CEP350: variants seen among roughly 807,000 people sequenced by gnomAD.
CEP350 encodes the protein centrosomal protein 350.
A neutral mutation model predicts 331.8 loss-of-function variants in CEP350; 126 were observed. That is an observed-to-expected ratio of 0.38 (90% confidence interval 0.33 to 0.44). The LOEUF is 0.44. Ranked by LOEUF, CEP350 falls within the 20% of genes least tolerant of loss-of-function variation. The pLI, the probability that CEP350 is intolerant of heterozygous loss-of-function variation, is 1.00. For missense variants in CEP350, 3,406 were observed against 3,634.6 expected (o/e 0.94, Z 1.62); for synonymous variants, 1,200 against 1,259.5 (o/e 0.95, Z 1.00).
chr1:180,096,287 T>G (rs1649417081), intron 36 of CEP350, 103 bp downstream of exon 36: 1 of 1,320,526 alleles, frequency 7.6e-7, no homozygotes. Flanking sequence ...GATTAACCTT[T>G]GTGTCTTCAG....
Position 180,093,738 on chromosome 1 carries a change from A to G in CEP350, c.7633A>G (p.Ile2545Val), listed in dbSNP as rs767949762. ...AAATAACAATGGAACATATGATGGT[A>G]TTGCATATTTTGAGTGCAAAGAAAA... is the stretch of plus-strand genomic sequence containing the variant. ...EGNNNGTYDG[I>V]AYFECKEKHG... is the part of the protein sequence containing the mutation. Residue 2545 changes from isoleucine (I) to valine (V), a missense_variant, in exon 34 of 38, where the codon ATT becomes GTT. Around this residue, in one of 5 missense-constraint regions of CEP350, gnomAD observed 1,415 missense variants for 1,512.3 expected, o/e 0.94. Transcript: ENST00000367607. The G allele has an allele frequency of 5.6e-6, 9 of 1,613,818 alleles. No individual in the cohort carries two copies. In the South Asian group the frequency reaches 9.9e-5, roughly 18 times the overall value.
intron 33 of CEP350, 116 bp from the exon 34 acceptor site, chr1:180,092,498 T>G (rs559848066): frequency 4.8e-5 from 29 of 606,970 alleles, no homozygotes; most frequent in East Asian, 1.1e-4. Flanking sequence ...CAGGTCATAT[T>G]TATTGACTAG....
In CEP350 at chr1:180,092,910, A is replaced by G. The variant is rs1241401904; in HGVS notation, c.6805A>G (p.Ser2269Gly). Residue 2269 changes from serine (S) to glycine (G), a missense_variant, in exon 34 of 38, where the codon AGT (serine) becomes GGT (glycine). Ser to Gly is a moderately conservative substitution (Grantham distance 56). Around this residue, in one of 5 missense-constraint regions of CEP350, gnomAD observed 1,415 missense variants for 1,512.3 expected, o/e 0.94. Transcript: ENST00000367607. ...KEIEYTKLKK[S>G]KIEDAFSKEG... ...AATAGAGTATACAAAATTGAAGAAG[A>G]GTAAGATTGAAGATGCCTTTTCTAA... 1 of 1,576,088 alleles carries G rather than the reference A, an allele frequency of 6.3e-7. No individual in the cohort carries two copies. Among genetic ancestry groups the G allele is most frequent in the Non-Finnish European group, 8.6e-7 (1 of 1,159,026 alleles).
intron 14 of CEP350, among the ~76,000 whole-genome samples, chr1:180,025,459 T>C (rs1018259468): frequency 1.3e-5 from 2 of 152,202 alleles, no homozygotes; most frequent in African/African-American, 4.8e-5. Context: ...TGCCCTTCAA[T>C]GTCCTCATTT....
In CEP350 at chr1:180,020,144, G is replaced by A. The variant is rs2148831571; in HGVS notation, c.2370G>A (p.Arg790=). The A allele has an allele frequency of 1.9e-6, 3 of 1,613,974 alleles. No homozygotes were observed. Among genetic ancestry groups the A allele is most frequent in the East Asian group, 2.2e-5 (1 of 44,882 alleles). The change falls in exon 12 of 38, where the codon AGG becomes AGA. Residue 790 remains arginine, a synonymous_variant. Coordinates refer to ENST00000367607, the MANE Select transcript of CEP350 (RefSeq NM_014810.5). ...GGAAGAATCATAATATGGCTTCAAG[G>A]CCATTAACTTTTACACCTCAACCAT... ...PTRKNHNMAS[R]PLTFTPQPYV...
chr1:180,041,344 GTATA>G (rs1656747789), intron 18 of CEP350, 96 bp downstream of exon 18: 2 of 851,714 alleles, frequency 2.3e-6, no homozygotes, highest in Non-Finnish European at 3.6e-6. Flanking sequence ...AGAAAAAAGT[GTATA>G]TATAAATAAT....
intron 1 of CEP350, among the ~76,000 whole-genome samples, chr1:179,970,126 T>C (rs576927042): frequency 6.6e-6 from 1 of 152,308 alleles, no homozygotes; most frequent in African/African-American, 2.4e-5. Flanking sequence ...ACTATGGGTG[T>C]CTTGTTTACG....
intron 22 of CEP350, among the ~76,000 whole-genome samples, chr1:180,049,659 T>C (rs953365991): frequency 1.3e-5 from 2 of 151,302 alleles, no homozygotes; most frequent in African/African-American, 4.9e-5. Context: ...TTCTCCTGCC[T>C]CAGCCTCCTG....
intron 1 of CEP350, among the ~76,000 whole-genome samples, chr1:179,983,230 C>A (rs925470291): frequency 2.6e-5 from 4 of 152,202 alleles, no homozygotes; most frequent in African/African-American, 9.6e-5. Flanking sequence ...TGAAAAAATT[C>A]TAGTTTTGGA....
Position 180,011,997 on chromosome 1 carries a change from C to T in CEP350, c.1315C>T (p.Pro439Ser), listed in dbSNP as rs1379398221. The T allele has an allele frequency of 1.3e-6, 2 of 1,589,172 alleles. No individual in the cohort carries two copies. The highest frequency in any genetic ancestry group is 1.8e-5 in the Admixed American group (1 of 56,414). The change falls in exon 9 of 38, where the codon CCT becomes TCT. Residue 439 changes from proline to serine, a missense_variant. Pro to Ser is a moderately conservative substitution (Grantham distance 74). Transcript: ENST00000367607. ...AAAATTAGTAAAGAAGATTCTGGGA[C>T]CTGCTCCCAGAATGGAGCCAAAAGA... ...GQKLVKKILG[P>S]APRMEPKEQR...
Position 180,019,950 on chromosome 1 carries a change from A to G in CEP350, c.2176A>G (p.Lys726Glu). The G allele has an allele frequency of 6.4e-7, 1 of 1,567,100 alleles. No homozygotes were observed. Among genetic ancestry groups the G allele is most frequent in the Non-Finnish European group, 8.6e-7 (1 of 1,161,544 alleles). Reference protein sequence around the residue: ...LSEPPQPLARKDLMESTWMQP... With the variant: ...LSEPPQPLAREDLMESTWMQP... The stretch of plus-strand genomic sequence containing the variant: ...ACATATTGTGACTTTCATTTCCAGA[A>G]AAGACTTGATGGAATCTACATGGAT... The change falls in exon 12 of 38, where the codon AAA becomes GAA. Residue 726 changes from lysine to glutamate, a missense_variant and splice_region_variant. This residue lies in a region of CEP350 where 1,857 missense variants were observed against 1,909.2 expected (regional missense o/e 0.97). Transcript: ENST00000367607.
rs776642688 is a variant in CEP350, at chr1:180,093,433, G to A, written c.7328G>A (p.Ser2443Asn). Residue 2443 changes from serine to asparagine, a missense_variant, in exon 34 of 38, where the codon AGC becomes AAC. Coordinates refer to ENST00000367607, the MANE Select transcript of CEP350 (RefSeq NM_014810.5). ...ATCAGTGAGTGCCTAAGTGAGAAAA[G>A]CCTTTCTATCCATAGCAATGTTCAT... ...EEISECLSEK[S>N]LSIHSNVHSD... 6.2e-6 allele frequency: 10 copies of A among 1,600,502 alleles called. No homozygotes were observed. Among genetic ancestry groups the A allele is most frequent in the Non-Finnish European group, 8.5e-6 (10 of 1,173,130 alleles).
intron 11 of CEP350, 37 bp from the exon 12 acceptor site, chr1:180,019,907 TGGTGG>T: frequency 6.6e-7 from 1 of 1,508,102 alleles, no homozygotes; most frequent in Non-Finnish European, 8.8e-7. Context: ...TTTTTTAAAA[TGGTGG>T]TTTAGTTAAC....
chr1:179,960,234 C>A (rs1030968119), intron 1 of CEP350, among the ~76,000 whole-genome samples: 1 of 124,430 alleles, frequency 8.0e-6, no homozygotes, highest in Admixed American at 1.1e-4. Flanking sequence ...CATGCCAATT[C>A]ATGTCAGTTC....
In CEP350 at chr1:180,003,190, G is replaced by A; in HGVS notation, c.1035G>A (p.Glu345=). 2 of 1,612,484 alleles carry A rather than the reference G, an allele frequency of 1.2e-6. No homozygotes were observed. Among genetic ancestry groups the A allele is most frequent in the Admixed American group, 3.3e-5 (2 of 59,856 alleles). ...APAYKGFNPS[E]TKIRTPDGKV... The stretch of plus-strand genomic sequence containing the variant: ...ATGTATTAGGTTTCAACCCTTCAGA[G>A]ACCAAGATTCGAACACCTGATGGGA... The change falls in exon 7 of 38, where the codon GAG becomes GAA. Residue 345 remains glutamate, a synonymous_variant. Transcript: ENST00000367607.
At chr1:180,047,045 A>C (rs12737034) in intron 21 of CEP350, among the ~76,000 whole-genome samples, 3 of 152,254 alleles carry the variant, frequency 2.0e-5, no homozygotes. Flanking sequence ...ACACAAAAAA[A>C]CAGTATGAAC....
Position 180,029,044 on chromosome 1 carries a change from A to G in CEP350, c.3551-2276A>G, listed in dbSNP as rs184103615. Among the ~76,000 whole-genome samples the G allele has an allele frequency of 4.9e-4, 74 of 152,282 alleles. 1 individual carries two copies. Among genetic ancestry groups the G allele is most frequent in the Non-Finnish European group, 9.4e-4 (64 of 68,028 alleles). The stretch of plus-strand genomic sequence containing the variant: ...CAAGTTCTAAAATCAGTGTGATTTT[A>G]ATTGTATATGTTCCATCTGGTGGTG... On this transcript the variant is annotated intron_variant, in intron 14 of 37. Transcript: ENST00000367607.
At chr1:179,955,281 C>T (rs1332050816) in intron 1 of CEP350, 139 bp downstream of exon 1, 4 of 883,718 alleles carry the variant, frequency 4.5e-6, no homozygotes, top group African/African-American at 1.8e-5. Flanking sequence ...TGGCGTCCCC[C>T]TCGGGGAACC....
At chr1:179,976,710 T>A (rs1279596979) in intron 1 of CEP350, among the ~76,000 whole-genome samples, 3 of 151,640 alleles carry the variant, frequency 2.0e-5, no homozygotes, top group Non-Finnish European at 4.4e-5. Context: ...ATATAGGAAA[T>A]GAATTTCAAA....
Sources: gnomAD v4.1 joint callset for allele counts (sites outside exome capture counted in the v4.1 genomes callset) on GRCh38, gnomAD v4.1.1 for gene constraint, gnomAD v4.1.1 regional missense constraint, MANE v1.5 for transcripts, NCBI Gene and HGNC (gene_info 2026-07-23, HGNC 2026-07-21) for gene names.